The following DENND2B variants were observed in gnomAD, a reference collection of about 807,000 sequenced individuals.
DENND2B encodes DENN domain-containing protein 2B.
DENND2B carries 32 observed loss-of-function variants against 116.0 expected under a neutral mutation model. That is an observed-to-expected ratio of 0.28 (90% CI 0.21 to 0.37). DENND2B has a LOEUF of 0.37. Ranked by LOEUF, DENND2B falls within the 10% of genes least tolerant of loss-of-function variation. DENND2B has a pLI of 1.00. For synonymous variants in DENND2B, 588 were observed against 583.9 expected (o/e 1.01, Z -0.10); for missense variants, 1,276 against 1,477.7 (o/e 0.86, Z 2.24).
At chr11:8,801,546 A>C (rs2060311932) in intron 1 of DENND2B, among the ~76,000 whole-genome samples, 1 of 152,000 alleles carries the variant, frequency 6.6e-6, no homozygotes, top group Non-Finnish European at 1.5e-5. Flanking sequence ...GCATGGCAGC[A>C]TGCACCTATA....
intron 4 of DENND2B, among the ~76,000 whole-genome samples, chr11:8,816,866 A>T (rs1315586835): frequency 6.6e-6 from 1 of 152,084 alleles, no homozygotes; most frequent in African/African-American, 2.4e-5. Flanking sequence ...CTTCGGCTTG[A>T]CTGTCCTACT....
intron 2 of DENND2B, among the ~76,000 whole-genome samples, chr11:8,739,189 C>T (rs1261147947): frequency 6.6e-6 from 1 of 152,208 alleles, no homozygotes; most frequent in Non-Finnish European, 1.5e-5. Context: ...CAGACTTCCT[C>T]GCCTTTCTCT....
At position 8,905,536 on chromosome 11, in the gene DENND2B, GA is replaced by G. The variant is rs150976927; in HGVS notation, c.-256+5284del. On this transcript the variant is annotated intron_variant, in intron 1 of 22. Coordinates refer to the DENND2B transcript ENST00000534127. ...AACACCAAAAGCACAATTTATAAAG[GA>G]AAAAAATTAATAAGTTGGAGTTCAT... Among the ~76,000 whole-genome samples the G allele has an allele frequency of 3.3e-5, 5 of 152,054 alleles. No homozygotes were observed. The South Asian group carries it at 1.0e-3, about 32-fold the overall frequency.
intron 1 of DENND2B, among the ~76,000 whole-genome samples, chr11:8,768,473 T>C (rs998311803): frequency 1.1e-4 from 17 of 152,094 alleles, no homozygotes; most frequent in Non-Finnish European, 8.8e-5. Context: ...GGTCTCAAAC[T>C]CCTGGCCTTA....
At chr11:8,853,614 G>A (rs1290935053) in intron 3 of DENND2B, among the ~76,000 whole-genome samples, 1 of 152,138 alleles carries the variant, frequency 6.6e-6, no homozygotes, top group Non-Finnish European at 1.5e-5. Context: ...TATGGTCTGA[G>A]TATTAGTTAA....
chr11:8,765,455 C>T (rs529704089), intron 1 of DENND2B, among the ~76,000 whole-genome samples: 1 of 152,354 alleles, frequency 6.6e-6, no homozygotes, highest in Admixed American at 6.5e-5. Context: ...ACAGCTTCAA[C>T]AACAGACTGC....
intron 1 of DENND2B, among the ~76,000 whole-genome samples, chr11:8,765,138 A>C (rs945541061): frequency 6.6e-6 from 1 of 152,094 alleles, no homozygotes; most frequent in Non-Finnish European, 1.5e-5. Context: ...GCTCACACAC[A>C]CAGACCCTGG....
At chr11:8,868,380 T>C (rs2063659502) in intron 2 of DENND2B, among the ~76,000 whole-genome samples, 1 of 152,216 alleles carries the variant, frequency 6.6e-6, no homozygotes, top group Non-Finnish European at 1.5e-5. Context: ...TTCTCAAAAA[T>C]CTTTAAAACC....
intron 2 of DENND2B, among the ~76,000 whole-genome samples, chr11:8,734,739 A>G (rs563015856): frequency 6.7e-5 from 10 of 149,146 alleles, no homozygotes; most frequent in African/African-American, 2.2e-4. Flanking sequence ...CAGTGAGCCG[A>G]GATCACGCCA....
rs79094992 is a variant in DENND2B, at chr11:8,707,322, T to A, written c.2431-97A>T. 0.023 allele frequency: 34,684 copies of A among 1,483,000 alleles called. 541 individuals carry two copies. The highest frequency in any genetic ancestry group is 0.054 in the Middle Eastern group (280 of 5,158). The allele number at this position is 1,483,000 out of a possible 1,614,324, so 91.9% of individuals were successfully genotyped here. On this transcript the variant is annotated intron_variant, in intron 12 of 19. Coordinates refer to ENST00000313726, the MANE Select transcript of DENND2B (RefSeq NM_213618.2). This position sits in a 1 kb window ranked among gnomAD's most constrained non-coding sequence, Gnocchi z 4.8. ...AGGGCAGCCAAGCATCTGACCAGGC[T>A]AGCCCAGAAGCTGGGAGACGGGAAG... is the stretch of plus-strand genomic sequence containing the variant.
chr11:8,854,074 C>T (rs2063112729), intron 3 of DENND2B, among the ~76,000 whole-genome samples: 1 of 118,170 alleles, frequency 8.5e-6, no homozygotes, highest in Non-Finnish European at 1.7e-5. Context: ...ACTTTGTTGC[C>T]TAGGCTGGTA....
At chr11:8,880,521 G>C (rs2063893443) in intron 2 of DENND2B, among the ~76,000 whole-genome samples, 1 of 152,074 alleles carries the variant, frequency 6.6e-6, no homozygotes, top group Non-Finnish European at 1.5e-5. Context: ...TGCATCTTCA[G>C]AGCATCTCAA....
At chr11:8,757,111 G>A (rs1182666944) in intron 1 of DENND2B, 2 of 456,098 alleles carry the variant, frequency 4.4e-6, no homozygotes, top group South Asian at 3.1e-5. Flanking sequence ...GAGGGGCAGT[G>A]GAAAAACACC....
At chr11:8,834,849 A>C (rs1329828137) in intron 4 of DENND2B, among the ~76,000 whole-genome samples, 2 of 152,254 alleles carry the variant, frequency 1.3e-5, no homozygotes, top group East Asian at 1.9e-4. Context: ...AGACAAGCTC[A>C]TTAATGAACA....
At chr11:8,839,368 AG>A in intron 3 of DENND2B, 1 of 152,374 alleles carries the variant, frequency 6.6e-6, no homozygotes, top group South Asian at 2.1e-4. Flanking sequence ...AAGAGTGGAA[AG>A]GTTGTTACCA....
chr11:8,838,389 C>T (rs543234712), intron 4 of DENND2B, among the ~76,000 whole-genome samples: 3 of 152,318 alleles, frequency 2.0e-5, no homozygotes, highest in South Asian at 2.1e-4. Context: ...TCCAATTCTC[C>T]GAACTCACGT....
At chr11:8,847,236 C>T (rs1275884881) in intron 3 of DENND2B, among the ~76,000 whole-genome samples, 1 of 152,216 alleles carries the variant, frequency 6.6e-6, no homozygotes, top group Non-Finnish European at 1.5e-5. Flanking sequence ...ATTCTCCCAT[C>T]ATGGGAGGCT....
Position 8,715,614 on chromosome 11 carries a change from G to C in DENND2B, c.1834C>G (p.Arg612Gly). The change falls in exon 6 of 20, where the codon CGC (arginine) becomes GGC (glycine). Residue 612 changes from arginine to glycine, a missense_variant. This residue lies in a region of DENND2B where 856 missense variants were observed against 846.6 expected (regional missense o/e 1.01). Transcript: ENST00000313726. ...TCTGGGGAGGGTACCTTGGGAATGCGGCGGGCCCGGCGGCTGGACAGCAGC... is the reference window on the plus strand; with the variant it reads ...TCTGGGGAGGGTACCTTGGGAATGCCGCGGGCCCGGCGGCTGGACAGCAGC... ...SELLSSRRARRIPKLVQRINS... is the reference protein window; with the variant it reads ...SELLSSRRARGIPKLVQRINS... 1.9e-6 allele frequency: 3 copies of C among 1,611,150 alleles called. No individual in the cohort carries two copies. The South Asian group carries it at 3.3e-5, about 18-fold the overall frequency.
chr11:8,868,905 C>T (rs111297198), intron 2 of DENND2B, among the ~76,000 whole-genome samples: 1 of 152,234 alleles, frequency 6.6e-6, no homozygotes, highest in Non-Finnish European at 1.5e-5. Context: ...GTCCAACCTG[C>T]GGCCCATGGG....
Sources: allele counts gnomAD v4.1 joint callset (sites outside exome capture counted in the v4.1 genomes callset), GRCh38; gene constraint gnomAD v4.1.1; regional missense constraint gnomAD v4.1.1; non-coding constraint Gnocchi (gnomAD v3.1); transcripts MANE v1.5; gene names NCBI Gene and HGNC (gene_info 2026-07-23, HGNC 2026-07-21).